The following BICDL1 variants were observed in gnomAD, a reference collection of about 807,000 sequenced individuals.
BICDL1 encodes the protein BICD family like cargo adaptor 1.
In BICDL1, 20 loss-of-function variants were observed where a neutral mutation model predicts 76.8. The observed-to-expected ratio is 0.26, with a 90% CI of 0.18 to 0.38. BICDL1 has a LOEUF of 0.38. BICDL1 is among the 10% of genes least tolerant of loss of function. The probability of loss-of-function intolerance (pLI) is 1.00; values close to 1 mark genes in which losing one functional copy is unlikely to be tolerated. For synonymous variants in BICDL1, 383 were observed against 337.1 expected, an observed-to-expected ratio of 1.14 and a Z score of -1.49; for missense variants, 700 against 798.6, an observed-to-expected ratio of 0.88 and a Z score of 1.49.
At position 120,051,179 on chromosome 12, in the gene BICDL1, T is replaced by G. The variant is rs546567456; in HGVS notation, c.646-10531T>G. Among the ~76,000 whole-genome samples, 263 of 151,844 alleles carry G rather than the reference T, an allele frequency of 1.7e-3. 1 individual carries two copies. The highest frequency in any genetic ancestry group is 6.2e-3 in the African/African-American group (257 of 41,392). On this transcript the variant is annotated intron_variant, in intron 2 of 9. Coordinates refer to ENST00000548673, the MANE Select transcript of BICDL1 (RefSeq NM_001367886.1). ...TCTCCTGCCTCAGCCTCCCAAGTAG[T>G]TGGGATTACAGGCACACACAACCGC... is the stretch of plus-strand genomic sequence containing the variant.
At chr12:119,991,612 T>G (rs1263095944) in intron 1 of BICDL1, among the ~76,000 whole-genome samples, 13 of 152,058 alleles carry the variant, frequency 8.5e-5, no homozygotes, top group Non-Finnish European at 1.8e-4. Context: ...ATAAAAAGCC[T>G]TCCTTTTTTT....
intron 3 of BICDL1, among the ~76,000 whole-genome samples, chr12:120,062,979 G>A (rs376809266): frequency 2.0e-5 from 3 of 152,244 alleles, no homozygotes; most frequent in Admixed American, 6.5e-5. Context: ...GGTGTATAGC[G>A]CTGGGTGAGG....
intron 9 of BICDL1, chr12:120,091,222 A>G: frequency 8.6e-7 from 1 of 1,164,574 alleles, no homozygotes. Context: ...GCCCAGTGCT[A>G]ACGGCTGGTG....
intron 7 of BICDL1, chr12:120,080,681 C>T (rs932164733): frequency 8.9e-6 from 4 of 446,956 alleles, no homozygotes; most frequent in East Asian, 4.1e-5. Context: ...CCCTTGCTGC[C>T]GAGCTCAAGC....
At chr12:120,029,165 T>C (rs780320364) in intron 2 of BICDL1, among the ~76,000 whole-genome samples, 1 of 152,136 alleles carries the variant, frequency 6.6e-6, no homozygotes, top group African/African-American at 2.4e-5. Flanking sequence ...AGGCCCAAAG[T>C]GTACCCTGTT....
intron 1 of BICDL1, among the ~76,000 whole-genome samples, chr12:119,998,312 A>G (rs1302260959): frequency 6.6e-6 from 1 of 152,170 alleles, no homozygotes; most frequent in Admixed American, 6.5e-5. Context: ...TTTCAGTAAG[A>G]ATGGCGTTCT....
At chr12:120,011,425 A>G (rs1182321177) in intron 2 of BICDL1, among the ~76,000 whole-genome samples, 1 of 152,210 alleles carries the variant, frequency 6.6e-6, no homozygotes, top group African/African-American at 2.4e-5. Flanking sequence ...AGAGTGGCTG[A>G]TTGCTAAGAT....
chr12:120,014,562 C>T (rs936115308), intron 2 of BICDL1, among the ~76,000 whole-genome samples: 4 of 151,976 alleles, frequency 2.6e-5, no homozygotes, highest in East Asian at 1.9e-4. Flanking sequence ...TGTGGTGGCG[C>T]GTGCCTTTCA....
At chr12:120,058,165 G>A (rs553092772) in intron 2 of BICDL1, among the ~76,000 whole-genome samples, 2 of 152,256 alleles carry the variant, frequency 1.3e-5, no homozygotes, top group Admixed American at 1.3e-4. Context: ...TGTAAATTGA[G>A]ATGAGAAATG....
At chr12:120,075,753 G>A (rs1022973681) in intron 7 of BICDL1, among the ~76,000 whole-genome samples, 4 of 152,148 alleles carry the variant, frequency 2.6e-5, no homozygotes, top group African/African-American at 7.2e-5. Flanking sequence ...GAGTCATCCC[G>A]TTAGTCTTCC....
At chr12:120,042,189 T>G (rs1952655624) in intron 2 of BICDL1, among the ~76,000 whole-genome samples, 1 of 152,120 alleles carries the variant, frequency 6.6e-6, no homozygotes, top group Admixed American at 6.5e-5. Context: ...TAGCACCTAT[T>G]ATATGCCAGG....
chr12:120,004,680 G>C (rs556985879), intron 2 of BICDL1, among the ~76,000 whole-genome samples: 1 of 152,302 alleles, frequency 6.6e-6, no homozygotes, highest in African/African-American at 2.4e-5. Flanking sequence ...GCTCCCAATG[G>C]GGTGTTATTT....
intron 2 of BICDL1, among the ~76,000 whole-genome samples, chr12:120,033,785 A>G (rs905682898): frequency 6.6e-6 from 1 of 152,076 alleles, no homozygotes; most frequent in African/African-American, 2.4e-5. Context: ...GAGAGAGTAT[A>G]TATATATATA....
intron 2 of BICDL1, among the ~76,000 whole-genome samples, chr12:120,051,075 A>G (rs1952849789): frequency 6.8e-6 from 1 of 148,094 alleles, no homozygotes; most frequent in South Asian, 2.1e-4. Context: ...TCTGTCGCCC[A>G]GAGCTGGAGT....
At chr12:120,076,183 C>T (rs1039652994) in intron 7 of BICDL1, among the ~76,000 whole-genome samples, 3 of 152,084 alleles carry the variant, frequency 2.0e-5, no homozygotes, top group East Asian at 1.9e-4. Context: ...TGCTCACAGC[C>T]GAACGCTAGA....
At chr12:119,997,228 G>A (rs992740779) in intron 1 of BICDL1, among the ~76,000 whole-genome samples, 1 of 152,186 alleles carries the variant, frequency 6.6e-6, no homozygotes, top group Non-Finnish European at 1.5e-5. Flanking sequence ...TTACAGGCGT[G>A]TGCCACCGCG....
At chr12:120,060,805 G>A (rs1256410204) in intron 2 of BICDL1, among the ~76,000 whole-genome samples, 3 of 152,166 alleles carry the variant, frequency 2.0e-5, no homozygotes, top group Admixed American at 6.5e-5. Flanking sequence ...GAGCCTCATT[G>A]AACAGCTAGC....
At chr12:120,045,277 T>C (rs1952724972) in intron 2 of BICDL1, among the ~76,000 whole-genome samples, 1 of 152,176 alleles carries the variant, frequency 6.6e-6, no homozygotes. Flanking sequence ...CAACAAGTGC[T>C]GGAGAGAATG....
intron 2 of BICDL1, among the ~76,000 whole-genome samples, chr12:120,031,115 A>G (rs1325382772): frequency 2.0e-5 from 3 of 152,132 alleles, no homozygotes; most frequent in East Asian, 1.9e-4. Flanking sequence ...TCTTTCAAGC[A>G]TATGGAAAAG....
Sources: allele counts gnomAD v4.1 joint callset (sites outside exome capture counted in the v4.1 genomes callset), GRCh38; gene constraint gnomAD v4.1.1; transcripts MANE v1.5; gene names NCBI Gene and HGNC (gene_info 2026-07-23, HGNC 2026-07-21).